Variants in RNF180 observed in about 807,000 individuals in gnomAD.
The protein encoded by RNF180 is ring finger protein 180, also known as E3 ubiquitin-protein ligase RNF180.
In RNF180, 38 loss-of-function variants were observed where a neutral mutation model predicts 59.2. The ratio of observed to expected loss-of-function variants is 0.64; its 90% CI spans 0.50 to 0.84. The LOEUF (loss-of-function observed/expected upper bound fraction) is 0.84. Among genes scored for constraint, RNF180 ranks in the 40% least tolerant of loss-of-function variants. RNF180 has a pLI of 0.00. For synonymous variants in RNF180, 262 were observed against 240.3 expected (o/e 1.09, Z -0.84); for missense variants, 705 against 700.9 (o/e 1.01, Z -0.07).
chr5:64,213,626 C>T lies in RNF180; in HGVS notation c.300C>T (p.Val100=), dbSNP rs1752430763. The stretch of plus-strand genomic sequence containing the variant: ...CCCGTTTAGGGGGCTTTAATTTTGT[C>T]AGCACTCCAAAATGTTCCTGTGGCC... ...CGARLGGFNF[V]STPKCSCGQL... is the part of the protein sequence containing the mutation. Residue 100 remains valine, a synonymous_variant, in exon 4 of 8, where the codon GTC becomes GTT. Coordinates refer to ENST00000389100, the MANE Select transcript of RNF180 (RefSeq NM_001113561.2). 1 of 1,614,088 alleles carries T rather than the reference C, an allele frequency of 6.2e-7. No individual in the cohort carries two copies. Among genetic ancestry groups the T allele is most frequent in the African/African-American group, 1.3e-5 (1 of 75,044 alleles).
chr5:64,210,320 C>A lies in RNF180; in HGVS notation c.136-1745C>A, dbSNP rs148593677. 6.8e-4 allele frequency among the ~76,000 whole-genome samples: 103 copies of A among 152,156 alleles called. 1 individual carries two copies. The highest frequency in any genetic ancestry group is 2.4e-3 in the African/African-American group (100 of 41,540). On this transcript the variant is annotated intron_variant, in intron 2 of 7. Coordinates refer to ENST00000389100, the MANE Select transcript of RNF180 (RefSeq NM_001113561.2). The stretch of plus-strand genomic sequence containing the variant: ...TTGATGCAGGCTCTTTCCTTCAGTG[C>A]TAGTCAAAAGAGAACCTTGGACTTA...
intron 5 of RNF180, among the ~76,000 whole-genome samples, chr5:64,223,961 C>G (rs925699382): frequency 5.9e-5 from 9 of 151,900 alleles, no homozygotes; most frequent in Non-Finnish European, 1.3e-4. Flanking sequence ...TATGGGATTG[C>G]TTTGGCCAAG....
At position 64,369,823 on chromosome 5, in the gene RNF180, T is replaced by C. The variant is rs759932090; in HGVS notation, c.*9T>C. The C allele has an allele frequency of 7.1e-7, 1 of 1,405,776 alleles. No homozygotes were observed. Among genetic ancestry groups the C allele is most frequent in the South Asian group, 1.5e-5 (1 of 66,538 alleles). 87.1% of individuals were successfully genotyped at this position (1,405,776 alleles called of 1,614,324 possible). On this transcript the variant is annotated 3_prime_UTR_variant, in exon 8 of 8. Transcript: ENST00000389100. Reference sequence around the variant, plus strand: ...TTTTCTTTCCGTTTTAGGAATTTCATACCTTACTACAATTGACCAATCATA... The same window carrying C: ...TTTTCTTTCCGTTTTAGGAATTTCACACCTTACTACAATTGACCAATCATA...
intron 1 of RNF180, among the ~76,000 whole-genome samples, chr5:64,168,103 T>C (rs1450328898): frequency 6.6e-6 from 1 of 152,212 alleles, no homozygotes; most frequent in Non-Finnish European, 1.5e-5. Context: ...AATTATTTTG[T>C]ATTTTTTGAA....
chr5:64,250,053 A>G (rs920234116), intron 5 of RNF180, among the ~76,000 whole-genome samples: 2 of 152,206 alleles, frequency 1.3e-5, no homozygotes, highest in South Asian at 2.1e-4. Context: ...CCAGGATAGT[A>G]TAAATGTTAG....
intron 5 of RNF180, among the ~76,000 whole-genome samples, chr5:64,321,820 T>C (rs1440729751): frequency 2.6e-5 from 4 of 152,124 alleles, no homozygotes; most frequent in East Asian, 1.9e-4. Flanking sequence ...AACAGACATA[T>C]AGACCAATGG....
intron 5 of RNF180, among the ~76,000 whole-genome samples, chr5:64,238,187 G>A (rs1742567564): frequency 1.3e-5 from 2 of 152,038 alleles, no homozygotes; most frequent in South Asian, 2.1e-4. Flanking sequence ...TTTTTTTAAG[G>A]CTGTATAGTA....
At chr5:64,286,903 G>A (rs1742318127) in intron 5 of RNF180, among the ~76,000 whole-genome samples, 1 of 152,118 alleles carries the variant, frequency 6.6e-6, no homozygotes, top group Non-Finnish European at 1.5e-5. Context: ...AGGGCAAACT[G>A]GAAGGGGAAA....
intron 5 of RNF180, among the ~76,000 whole-genome samples, chr5:64,244,679 A>C (rs751015060): frequency 2.6e-5 from 4 of 152,240 alleles, no homozygotes; most frequent in Non-Finnish European, 5.9e-5. Context: ...GATATTATCC[A>C]GGAGAACTTC....
In RNF180 at chr5:64,193,990, A is replaced by G. The variant is rs1403205475; in HGVS notation, c.1-6818A>G. Among the ~76,000 whole-genome samples, 4 of 152,056 alleles carry G rather than the reference A, an allele frequency of 2.6e-5. 1 individual carries two copies. The highest frequency in any genetic ancestry group is 3.9e-4 in the East Asian group (2 of 5,170). ...AAAAGAGGGAAAGGAAGAGAGACAC[A>G]CTTTAAAGTTACAAGTTTTTTTTTT... On this transcript the variant is annotated intron_variant, in intron 1 of 7. Transcript: ENST00000389100.
intron 5 of RNF180, among the ~76,000 whole-genome samples, chr5:64,249,172 C>G (rs1255178363): frequency 6.6e-6 from 1 of 152,094 alleles, no homozygotes; most frequent in African/African-American, 2.4e-5. Context: ...TTAATTGGTG[C>G]AGCAAATGAC....
intron 2 of RNF180, among the ~76,000 whole-genome samples, chr5:64,202,063 A>G (rs933232860): frequency 6.6e-6 from 1 of 152,214 alleles, no homozygotes; most frequent in African/African-American, 2.4e-5. Flanking sequence ...TATATGTAGT[A>G]CAAAAATTAA....
chr5:64,329,947 G>A (rs34598619), intron 6 of RNF180, among the ~76,000 whole-genome samples: 1 of 152,170 alleles, frequency 6.6e-6, no homozygotes, highest in South Asian at 2.1e-4. Flanking sequence ...TTGTGACCCA[G>A]GGGTTGGGGA....
Position 64,213,899 on chromosome 5 carries a change from T to C in RNF180, c.573T>C (p.Phe191=). 1 of 1,614,034 alleles carries C rather than the reference T, an allele frequency of 6.2e-7. No individual in the cohort carries two copies. The highest frequency in any genetic ancestry group is 8.5e-7 in the Non-Finnish European group (1 of 1,179,988). The change falls in exon 4 of 8, where the codon TTT becomes TTC. Residue 191 remains phenylalanine, a synonymous_variant. Coordinates refer to ENST00000389100, the MANE Select transcript of RNF180 (RefSeq NM_001113561.2). The stretch of plus-strand genomic sequence containing the variant: ...GCCTGGAGGTGCGACCAACATATTT[T>C]GAGATGAAGAACGAAAAACTGCTGT... ...ALCLEVRPTY[F]EMKNEKLLSK...
At chr5:64,367,466 T>C (rs1226225194) in intron 7 of RNF180, among the ~76,000 whole-genome samples, 1 of 151,762 alleles carries the variant, frequency 6.6e-6, no homozygotes, top group Non-Finnish European at 1.5e-5. Context: ...TTAGAAATTA[T>C]TTAAAAACCT....
chr5:64,336,864 C>G (rs900359533), intron 7 of RNF180, among the ~76,000 whole-genome samples: 4 of 151,920 alleles, frequency 2.6e-5, no homozygotes, highest in Non-Finnish European at 5.9e-5. Flanking sequence ...TATTGTTTGT[C>G]CATGGTATCT....
chr5:64,204,757 C>T (rs1183001542), intron 2 of RNF180, among the ~76,000 whole-genome samples: 2 of 152,108 alleles, frequency 1.3e-5, no homozygotes, highest in Admixed American at 1.3e-4. Context: ...TTTTCCTCTC[C>T]TTCTACTGAA....
chr5:64,269,650 G>A (rs1429630087), intron 5 of RNF180, among the ~76,000 whole-genome samples: 1 of 152,122 alleles, frequency 6.6e-6, no homozygotes, highest in Non-Finnish European at 1.5e-5. Context: ...AAGCTAAGCT[G>A]TGGGACATCA....
intron 7 of RNF180, among the ~76,000 whole-genome samples, chr5:64,358,176 AC>A (rs1340895826): frequency 6.6e-6 from 1 of 151,838 alleles, no homozygotes; most frequent in Non-Finnish European, 1.5e-5. Flanking sequence ...TTGGAACCCA[AC>A]CTAAAACACG....
Sources: allele counts gnomAD v4.1 joint callset (sites outside exome capture counted in the v4.1 genomes callset), GRCh38; gene constraint gnomAD v4.1.1; transcripts MANE v1.5; gene names NCBI Gene and HGNC (gene_info 2026-07-23, HGNC 2026-07-21).